The following PDE10A variants were observed in gnomAD, a reference collection of about 807,000 sequenced individuals.
PDE10A encodes cAMP and cAMP-inhibited cGMP 3',5'-cyclic phosphodiesterase 10A.
In PDE10A, 39 loss-of-function variants were observed where a neutral mutation model predicts 97.7. That is an observed-to-expected ratio of 0.40 (90% CI 0.31 to 0.52). The LOEUF (loss-of-function observed/expected upper bound fraction) is 0.52, where lower values mean the gene tolerates loss of function less well. PDE10A is among the 20% of genes least tolerant of loss of function. PDE10A has a pLI of 0.56. For synonymous variants in PDE10A, 371 were observed against 376.8 expected, an observed-to-expected ratio of 0.98 and a Z score of 0.18; for missense variants, 731 against 1,047.8, an observed-to-expected ratio of 0.70 and a Z score of 4.17.
chr6:165,778,486 G>C (rs1200467467), intron 1 of PDE10A, among the ~76,000 whole-genome samples: 1 of 152,122 alleles, frequency 6.6e-6, no homozygotes, highest in East Asian at 1.9e-4. Flanking sequence ...AATGACTTCT[G>C]GGCTGTCTCC....
At chr6:165,513,347 G>A (rs1388538548) in intron 2 of PDE10A, among the ~76,000 whole-genome samples, 2 of 151,912 alleles carry the variant, frequency 1.3e-5, no homozygotes, top group African/African-American at 4.8e-5. Flanking sequence ...TGAGTTGACC[G>A]TGTACAGATT....
chr6:165,414,698 G>A (rs1788179264), intron 12 of PDE10A, among the ~76,000 whole-genome samples: 1 of 152,194 alleles, frequency 6.6e-6, no homozygotes, highest in Non-Finnish European at 1.5e-5. Flanking sequence ...TAGAAGCGGA[G>A]CTGATTAGTG....
chr6:165,454,663 G>C (rs1447977223), intron 3 of PDE10A, among the ~76,000 whole-genome samples: 1 of 152,082 alleles, frequency 6.6e-6, no homozygotes, highest in Non-Finnish European at 1.5e-5. Flanking sequence ...CCAGATGCAG[G>C]CACCTTGACC....
In PDE10A at chr6:165,527,305, G is replaced by A. The variant is rs9356363; in HGVS notation, c.994+16135C>T. The stretch of plus-strand genomic sequence containing the variant: ...ACCCAAAAGGCTGCCAGTTCTGAGT[G>A]GAGTCCAGAACAGGAAAAGGCTCTG... On this transcript the variant is annotated intron_variant, in intron 2 of 21. Transcript: ENST00000539869. Among the ~76,000 whole-genome samples the A allele has an allele frequency of 2.0e-5, 3 of 152,306 alleles. No individual in the cohort carries two copies. In the East Asian group the frequency reaches 5.8e-4, roughly 29 times the overall value.
chr6:165,943,142 G>GGAGA (rs143901978), intron 1 of PDE10A, among the ~76,000 whole-genome samples: 19 of 91,392 alleles, frequency 2.1e-4, no homozygotes, highest in East Asian at 1.7e-3. Context: ...AGGCAAGAGA[G>GGAGA]GAGAGAGAGA....
chr6:165,691,112 C>CCCCCCCACCCA (rs1791272750), intron 1 of PDE10A, among the ~76,000 whole-genome samples: 1 of 76,462 alleles, frequency 1.3e-5, no homozygotes. Flanking sequence ...TCTCTCCCCC[C>CCCCCCCACCCA]CCCCATCAGT....
chr6:165,496,432 T>C (rs1343892356), intron 2 of PDE10A, among the ~76,000 whole-genome samples: 1 of 152,246 alleles, frequency 6.6e-6, no homozygotes, highest in African/African-American at 2.4e-5. Context: ...ATGGGTTTCT[T>C]GACCTTTTCA....
intron 18 of PDE10A, among the ~76,000 whole-genome samples, chr6:165,351,244 TGTG>T (rs928388937): frequency 4.6e-5 from 7 of 152,166 alleles, no homozygotes; most frequent in African/African-American, 1.4e-4. Flanking sequence ...TAATCACAGT[TGTG>T]GTCACAATGT....
At chr6:165,923,770 C>G (rs1782830351) in intron 1 of PDE10A, among the ~76,000 whole-genome samples, 1 of 138,916 alleles carries the variant, frequency 7.2e-6, no homozygotes, top group African/African-American at 2.7e-5. Context: ...TAAAAATTAA[C>G]TGTGTTTTTT....
At chr6:165,495,395 A>G (rs1158958542) in intron 2 of PDE10A, among the ~76,000 whole-genome samples, 1 of 152,070 alleles carries the variant, frequency 6.6e-6, no homozygotes, top group Non-Finnish European at 1.5e-5. Context: ...AGAGGAAGGG[A>G]AAGAAATGAG....
At position 165,448,125 on chromosome 6, in the gene PDE10A, A is replaced by AAATCTAAG. The variant is rs1313082266; in HGVS notation, c.1194+795_1194+802dup. ...GTAGCATATTGCAAAAATACATTCC[A>AAATCTAAG]AATCTAAGATAGCAATGCCTAACAC... On this transcript the variant is annotated intron_variant, in intron 5 of 21. Coordinates refer to ENST00000539869, the MANE Select transcript of PDE10A (RefSeq NM_001385079.1). Among the ~76,000 whole-genome samples, 6 of 152,234 alleles carry AAATCTAAG rather than the reference A, an allele frequency of 3.9e-5. No individual in the cohort carries two copies. The East Asian group carries it at 1.2e-3, about 29-fold the overall frequency.
chr6:165,416,707 T>A (rs1234416267), intron 11 of PDE10A, among the ~76,000 whole-genome samples: 2 of 152,228 alleles, frequency 1.3e-5, no homozygotes, highest in Non-Finnish European at 2.9e-5. Context: ...AACACTAGAA[T>A]GCTGGTCTCT....
chr6:165,616,210 T>C (rs1033125160), intron 1 of PDE10A, among the ~76,000 whole-genome samples: 2 of 152,072 alleles, frequency 1.3e-5, no homozygotes, highest in Admixed American at 6.6e-5. Context: ...TAGCTCCCGG[T>C]GTATCTCCTT....
intron 1 of PDE10A, among the ~76,000 whole-genome samples, chr6:165,841,202 A>G (rs1780248325): frequency 6.6e-6 from 1 of 152,236 alleles, no homozygotes; most frequent in African/African-American, 2.4e-5. Flanking sequence ...TTGTTTGTCT[A>G]GCTCACTGGT....
intron 1 of PDE10A, among the ~76,000 whole-genome samples, chr6:165,691,193 CTCT>C (rs1562687243): frequency 0.023 from 1,490 of 65,374 alleles, 41 homozygotes; most frequent in African/African-American, 0.046. Flanking sequence ...CTCTCCCTCT[CTCT>C]CTCTCCCCAC....
At chr6:165,855,069 C>A (rs1411182841) in intron 1 of PDE10A, among the ~76,000 whole-genome samples, 1 of 152,060 alleles carries the variant, frequency 6.6e-6, no homozygotes, top group Non-Finnish European at 1.5e-5. Context: ...GACGGGCCAG[C>A]CCTGGACACC....
At chr6:165,815,901 G>A (rs538122081) in intron 1 of PDE10A, among the ~76,000 whole-genome samples, 15 of 152,132 alleles carry the variant, frequency 9.9e-5, no homozygotes, top group African/African-American at 2.9e-4. Context: ...GAGTTGCCTC[G>A]TGACACGATT....
At position 165,396,471 on chromosome 6, in the gene PDE10A, ATCC is replaced by A; in HGVS notation, c.2077-15_2077-13del. The A allele has an allele frequency of 6.3e-7, 1 of 1,583,630 alleles. No homozygotes were observed. The highest frequency in any genetic ancestry group is 1.4e-5 in the African/African-American group (1 of 72,862). On this transcript the variant is annotated splice_polypyrimidine_tract_variant and intron_variant, in intron 13 of 21. Transcript: ENST00000539869. Reference sequence around the variant, plus strand: ...ATTCTATGATACATCTAGAAGGCAAATCCAAAAAAAAAACCCCCAAAATTAAAA... The same window carrying A: ...ATTCTATGATACATCTAGAAGGCAAAAAAAAAAAAACCCCCAAAATTAAAA...
At chr6:165,692,465 C>T (rs1050718708) in intron 1 of PDE10A, among the ~76,000 whole-genome samples, 5 of 152,182 alleles carry the variant, frequency 3.3e-5, no homozygotes, top group African/African-American at 9.7e-5. Flanking sequence ...GTTCTGGCAG[C>T]GCTGGGCTCT....
Sources: gnomAD v4.1 joint callset for allele counts (sites outside exome capture counted in the v4.1 genomes callset) on GRCh38, gnomAD v4.1.1 for gene constraint, MANE v1.5 for transcripts, NCBI Gene and HGNC (gene_info 2026-07-23, HGNC 2026-07-21) for gene names.